NAV2: variants seen among roughly 807,000 people sequenced by gnomAD.
NAV2 encodes the protein helicase, APC down-regulated 1.
NAV2 carries 54 observed loss-of-function variants against 223.2 expected under a neutral mutation model. That is an observed-to-expected ratio of 0.24 (90% confidence interval 0.19 to 0.30). NAV2 has a LOEUF of 0.30. Among genes scored for constraint, NAV2 ranks in the 10% least tolerant of loss-of-function variants. The pLI is 1.00. For missense variants in NAV2, 2,806 were observed against 3,147.5 expected, an observed-to-expected ratio of 0.89 and a Z score of 2.60; for synonymous variants, 1,279 against 1,239.3, an observed-to-expected ratio of 1.03 and a Z score of -0.67.
rs180805423 is a variant in NAV2 at position 19,645,384 on chromosome 11, A to T, written c.76-187100A>T. ...GATTCTCCCTATCTCAGTATCCTTAAATTATTCACATGTGCAAAGTCCTTT... is the reference window on the plus strand; with the variant it reads ...GATTCTCCCTATCTCAGTATCCTTATATTATTCACATGTGCAAAGTCCTTT... On this transcript the variant is annotated intron_variant, in intron 1 of 37. Coordinates refer to the NAV2 transcript ENST00000360655. Among the ~76,000 whole-genome samples, 588 of 152,312 alleles carry T rather than the reference A, an allele frequency of 3.9e-3. 11 individuals carry two copies. The highest frequency in any genetic ancestry group is 2.3e-3 in the Non-Finnish European group (154 of 68,032).
chr11:19,761,580 A>G (rs2054738013), intron 1 of NAV2, among the ~76,000 whole-genome samples: 1 of 152,154 alleles, frequency 6.6e-6, no homozygotes, highest in South Asian at 2.1e-4. Context: ...CTTTTCAATC[A>G]ACACAACAAT....
intron 1 of NAV2, among the ~76,000 whole-genome samples, chr11:19,626,521 G>A (rs1211997425): frequency 6.6e-6 from 1 of 152,128 alleles, no homozygotes; most frequent in Non-Finnish European, 1.5e-5. Context: ...GGTCTTTTGT[G>A]GTTCCACACA....
chr11:19,629,694 G>C (rs1463030613), intron 1 of NAV2, among the ~76,000 whole-genome samples: 1 of 152,142 alleles, frequency 6.6e-6, no homozygotes, highest in Non-Finnish European at 1.5e-5. Context: ...ACAGGGACAG[G>C]GGTAGGGTGG....
chr11:20,102,178 G>C (rs1461088784), intron 32 of NAV2, among the ~76,000 whole-genome samples: 2 of 152,138 alleles, frequency 1.3e-5, no homozygotes, highest in Non-Finnish European at 2.9e-5. Flanking sequence ...GCAGGCATGG[G>C]GAGCCACATG....
chr11:19,366,322 C>T (rs888786953), intron 1 of NAV2, among the ~76,000 whole-genome samples: 2 of 152,178 alleles, frequency 1.3e-5, no homozygotes, highest in Admixed American at 1.3e-4. Flanking sequence ...CCCTGCTAGG[C>T]CTGGAGCTCT....
chr11:19,720,192 C>T (rs1414304236), intron 1 of NAV2, among the ~76,000 whole-genome samples: 1 of 152,240 alleles, frequency 6.6e-6, no homozygotes, highest in African/African-American at 2.4e-5. Context: ...ACTATTCTGT[C>T]TCTTGGTCAC....
chr11:19,723,901 G>A (rs868555118), intron 1 of NAV2, among the ~76,000 whole-genome samples: 1 of 152,232 alleles, frequency 6.6e-6, no homozygotes, highest in Non-Finnish European at 1.5e-5. Context: ...ACTTCAAAAT[G>A]TGTGGGCCAC....
chr11:20,068,691 A>G (rs976060958), intron 22 of NAV2, among the ~76,000 whole-genome samples: 2 of 152,182 alleles, frequency 1.3e-5, no homozygotes, highest in Non-Finnish European at 2.9e-5. Flanking sequence ...TGCTTATTAA[A>G]ATCTTAATTT....
At chr11:19,616,966 C>T (rs1353606180) in intron 1 of NAV2, among the ~76,000 whole-genome samples, 1 of 152,060 alleles carries the variant, frequency 6.6e-6, no homozygotes, top group Non-Finnish European at 1.5e-5. Flanking sequence ...CTCTGAGCCG[C>T]AGTCTCCTCA....
At chr11:19,541,741 C>T (rs1263316777) in intron 1 of NAV2, among the ~76,000 whole-genome samples, 1 of 152,180 alleles carries the variant, frequency 6.6e-6, no homozygotes, top group African/African-American at 2.4e-5. Context: ...TTGTGGGCCT[C>T]GCTGGAGCCA....
intron 6 of NAV2, among the ~76,000 whole-genome samples, chr11:19,926,146 A>G (rs928407655): frequency 6.6e-6 from 1 of 152,238 alleles, no homozygotes; most frequent in Non-Finnish European, 1.5e-5. Flanking sequence ...TAAGGATTGC[A>G]TTAACCAAAC....
intron 1 of NAV2, among the ~76,000 whole-genome samples, chr11:19,638,204 G>A (rs1049127507): frequency 3.9e-5 from 6 of 152,230 alleles, no homozygotes; most frequent in African/African-American, 7.2e-5. Context: ...GTGAGCACCC[G>A]ATAAAGACTG....
At chr11:19,885,238 A>G (rs1367211781) in intron 5 of NAV2, among the ~76,000 whole-genome samples, 3 of 152,218 alleles carry the variant, frequency 2.0e-5, no homozygotes, top group Non-Finnish European at 2.9e-5. Flanking sequence ...AGGAAGTTAC[A>G]TCATTGTGCC....
At chr11:20,083,581 C>G (rs372308684) in intron 26 of NAV2, among the ~76,000 whole-genome samples, 2 of 152,110 alleles carry the variant, frequency 1.3e-5, no homozygotes, top group Admixed American at 6.5e-5. Context: ...GGCTGAATTT[C>G]TTTTGAAACC....
At chr11:19,715,050 C>G (rs963666879) in intron 1 of NAV2, among the ~76,000 whole-genome samples, 3 of 152,128 alleles carry the variant, frequency 2.0e-5, no homozygotes, top group African/African-American at 7.2e-5. Context: ...CCTGCTGACA[C>G]CATCTCCACC....
At chr11:19,885,756 T>C (rs1332944978) in intron 5 of NAV2, among the ~76,000 whole-genome samples, 1 of 152,218 alleles carries the variant, frequency 6.6e-6, no homozygotes, top group African/African-American at 2.4e-5. Context: ...TGAAGTGTAC[T>C]TCTACAATTT....
At chr11:19,802,366 C>G (rs1982264) in intron 1 of NAV2, among the ~76,000 whole-genome samples, 145,091 of 152,172 alleles carry the variant, frequency 0.95, 69,569 homozygotes, top group East Asian at 1. Flanking sequence ...GTTCCAGGAG[C>G]GCCTGTGCTC....
intron 1 of NAV2, among the ~76,000 whole-genome samples, chr11:19,610,126 C>T (rs961995355): frequency 6.6e-6 from 1 of 152,170 alleles, no homozygotes; most frequent in African/African-American, 2.4e-5. Flanking sequence ...CAATCATATC[C>T]CCAGGCTCAT....
At chr11:19,619,092 C>T (rs1297438372) in intron 1 of NAV2, among the ~76,000 whole-genome samples, 1 of 148,444 alleles carries the variant, frequency 6.7e-6, no homozygotes, top group African/African-American at 2.5e-5. Flanking sequence ...ATGAACTCAT[C>T]CTGTGTTATG....
Sources: gnomAD v4.1 joint callset for allele counts (sites outside exome capture counted in the v4.1 genomes callset) on GRCh38, gnomAD v4.1.1 for gene constraint, MANE v1.5 for transcripts, NCBI Gene and HGNC (gene_info 2026-07-23, HGNC 2026-07-21) for gene names.